SHISA9: variants seen among roughly 807,000 people sequenced by gnomAD.
SHISA9 encodes shisa family member 9.
Under a neutral mutation model 38.0 loss-of-function variants are expected in SHISA9, and 13 were observed. The observed-to-expected ratio is 0.34, with a 90% confidence interval of 0.22 to 0.54. SHISA9 has a LOEUF of 0.54. Among genes scored for constraint, SHISA9 ranks in the 20% least tolerant of loss-of-function variants. The probability of loss-of-function intolerance (pLI) is 0.91; values close to 1 mark genes in which losing one functional copy is unlikely to be tolerated. For synonymous variants in SHISA9, 275 were observed against 242.0 expected, an observed-to-expected ratio of 1.14 and a Z score of -1.27; for missense variants, 538 against 575.8, an observed-to-expected ratio of 0.93 and a Z score of 0.67.
intron 2 of SHISA9, among the ~76,000 whole-genome samples, chr16:13,063,377 A>G (rs1424711997): frequency 6.6e-6 from 1 of 151,728 alleles, no homozygotes; most frequent in African/African-American, 2.4e-5. Flanking sequence ...CTTAAATGGA[A>G]AAAAAAAACA....
chr16:13,274,618 A>G, the SHISA9 span, among the ~76,000 whole-genome samples: 1 of 152,154 alleles, frequency 6.6e-6, no homozygotes, highest in African/African-American at 2.4e-5. Flanking sequence ...GAAGGGATCC[A>G]AATTACTGCT....
the SHISA9 span, among the ~76,000 whole-genome samples, chr16:13,415,812 C>T: frequency 5.1e-4 from 40 of 77,674 alleles, no homozygotes; most frequent in Admixed American, 5.7e-4. Context: ...AACCTTCTTT[C>T]GTTAAAAAAA....
At chr16:13,423,497 C>G in the SHISA9 span, among the ~76,000 whole-genome samples, 1 of 152,128 alleles carries the variant, frequency 6.6e-6, no homozygotes, top group South Asian at 2.1e-4. Flanking sequence ...ATCGTTTATC[C>G]AAATCATCCC....
chr16:13,554,530 G>C, the SHISA9 span, among the ~76,000 whole-genome samples: 1 of 57,878 alleles, frequency 1.7e-5, no homozygotes, highest in Non-Finnish European at 3.5e-5. Context: ...TTTTTTTTTT[G>C]ATGGAGCCTG....
intron 2 of SHISA9, among the ~76,000 whole-genome samples, chr16:13,053,631 T>G (rs942262334): frequency 2.6e-5 from 4 of 152,196 alleles, no homozygotes; most frequent in African/African-American, 9.6e-5. Context: ...TGTTGCTTTC[T>G]TCAGTTTTCA....
At chr16:13,505,942 T>C in the SHISA9 span, among the ~76,000 whole-genome samples, 1 of 152,222 alleles carries the variant, frequency 6.6e-6, no homozygotes, top group Non-Finnish European at 1.5e-5. Context: ...TCATTGCCCA[T>C]TGGCCCACTG....
the SHISA9 span, among the ~76,000 whole-genome samples, chr16:13,550,375 T>G: frequency 6.6e-6 from 1 of 152,182 alleles, no homozygotes; most frequent in East Asian, 1.9e-4. Flanking sequence ...CCTCAAACCT[T>G]CTATAATTTG....
the SHISA9 span, among the ~76,000 whole-genome samples, chr16:13,360,422 T>G: frequency 9.8e-4 from 150 of 152,316 alleles, 1 homozygote; most frequent in South Asian, 0.03. Flanking sequence ...GGGAGGCAAT[T>G]GAATCATGGG....
the SHISA9 span, among the ~76,000 whole-genome samples, chr16:13,407,245 T>G: frequency 0.014 from 2,083 of 152,142 alleles, 45 homozygotes; most frequent in African/African-American, 0.048. Context: ...CAAGGTCAGT[T>G]GTGGGTCTGC....
At chr16:13,520,100 G>T in the SHISA9 span, among the ~76,000 whole-genome samples, 96 of 152,296 alleles carry the variant, frequency 6.3e-4, no homozygotes, top group African/African-American at 2.3e-3. Flanking sequence ...AGGAGTAACT[G>T]GATGCTGGGA....
At chr16:13,523,211 A>C in the SHISA9 span, among the ~76,000 whole-genome samples, 1 of 152,080 alleles carries the variant, frequency 6.6e-6, no homozygotes, top group Non-Finnish European at 1.5e-5. Context: ...TTAGCCAGGC[A>C]TGGTGGCAGG....
At chr16:13,280,488 T>G in the SHISA9 span, among the ~76,000 whole-genome samples, 131 of 151,930 alleles carry the variant, frequency 8.6e-4, no homozygotes, top group Non-Finnish European at 1.3e-3. Context: ...TTTTGCTAAA[T>G]TGTATTTTCA....
the SHISA9 span, among the ~76,000 whole-genome samples, chr16:13,430,509 A>G: frequency 6.6e-6 from 1 of 152,168 alleles, no homozygotes; most frequent in Non-Finnish European, 1.5e-5. Flanking sequence ...TGCCCCTGGC[A>G]CCCTTACCCG....
At chr16:13,357,504 G>C in the SHISA9 span, among the ~76,000 whole-genome samples, 1 of 152,174 alleles carries the variant, frequency 6.6e-6, no homozygotes, top group Non-Finnish European at 1.5e-5. Context: ...CTTTGTCACG[G>C]AGCAAAGAGC....
intron 2 of SHISA9, among the ~76,000 whole-genome samples, chr16:13,088,274 C>T (rs533184646): frequency 6.6e-6 from 1 of 152,216 alleles, no homozygotes; most frequent in Admixed American, 6.5e-5. Context: ...CAGCTTTGTT[C>T]TTTTTGCTTA....
intron 4 of SHISA9, among the ~76,000 whole-genome samples, chr16:13,216,617 G>A (rs1348892091): frequency 1.3e-5 from 2 of 152,168 alleles, no homozygotes; most frequent in Non-Finnish European, 2.9e-5. Context: ...CATGAATGTT[G>A]CTGGGAACCT....
chr16:13,413,849 T>C, the SHISA9 span, among the ~76,000 whole-genome samples: 4 of 151,526 alleles, frequency 2.6e-5, no homozygotes, highest in Admixed American at 6.6e-5. Context: ...TTACCAGATA[T>C]GTGAATCAGC....
At chr16:13,014,862 C>G (rs2072722410) in intron 2 of SHISA9, among the ~76,000 whole-genome samples, 1 of 152,222 alleles carries the variant, frequency 6.6e-6, no homozygotes, top group Admixed American at 6.5e-5. Context: ...GTGATGTTTT[C>G]CATTGCCATA....
At chr16:13,074,645 T>A (rs1053654554) in intron 2 of SHISA9, among the ~76,000 whole-genome samples, 8 of 151,938 alleles carry the variant, frequency 5.3e-5, no homozygotes, top group Non-Finnish European at 1.5e-5. Context: ...TATTTTTTTC[T>A]TTTCTTTTCT....
Sources: gnomAD v4.1 joint callset for allele counts (sites outside exome capture counted in the v4.1 genomes callset) on GRCh38, gnomAD v4.1.1 for gene constraint, MANE v1.5 for transcripts, NCBI Gene and HGNC (gene_info 2026-07-23, HGNC 2026-07-21) for gene names.